SLITRK6: variants seen among roughly 807,000 people sequenced by gnomAD.
SLITRK6 encodes SLIT and NTRK-like protein 6.
A neutral mutation model predicts 55.6 loss-of-function variants in SLITRK6; 35 were observed. The ratio of observed to expected loss-of-function variants is 0.63; its 90% CI spans 0.48 to 0.83. The LOEUF (loss-of-function observed/expected upper bound fraction) is 0.83, where lower values mean the gene tolerates loss of function less well. Ranked by LOEUF, SLITRK6 falls within the 40% of genes least tolerant of loss-of-function variation. The pLI, the probability that SLITRK6 is intolerant of heterozygous loss-of-function variation, is 0.00. For synonymous variants in SLITRK6, 392 were observed against 359.6 expected (o/e 1.09, Z -1.02); for missense variants, 977 against 986.4 (o/e 0.99, Z 0.13).
rs1408592276 is a variant in SLITRK6, at chr13:85,792,911, T to C, written c.*1072A>G. On this transcript the variant is annotated 3_prime_UTR_variant, in exon 2 of 2. Coordinates refer to ENST00000647374, the MANE Select transcript of SLITRK6 (RefSeq NM_032229.3). ...GTACAGAATAAATATTTCATAGAAA[T>C]CTAACTATGCCTTCTTGTAAAATAA... 1.3e-5 allele frequency: 2 copies of C among 152,236 alleles called. No individual in the cohort carries two copies. The highest frequency in any genetic ancestry group is 2.9e-5 in the Non-Finnish European group (2 of 67,836). 9.4% of individuals were successfully genotyped at this position (152,236 alleles called of 1,614,324 possible).
chr13:85,797,409 G>A (rs1462911285), intron 1 of SLITRK6, among the ~76,000 whole-genome samples: 1 of 151,436 alleles, frequency 6.6e-6, no homozygotes, highest in East Asian at 1.9e-4. Flanking sequence ...TATAGATGAG[G>A]TGGAAATGAT....
rs372616753 is a variant in SLITRK6 at position 85,794,853 on chromosome 13, G to T, written c.1656C>A (p.Leu552=). Reference sequence around the variant, plus strand: ...TTAGGGCTTTCAATTCCTTTTTGTCGAGATGCCCGGGGGAAGTGCAGAGGA... The same window carrying T: ...TTAGGGCTTTCAATTCCTTTTTGTCTAGATGCCCGGGGGAAGTGCAGAGGA... ...DDILCTSPGH[L]DKKELKALNS... Residue 552 remains leucine (L), a synonymous_variant, in exon 2 of 2, where the codon CTC becomes CTA. Coordinates refer to ENST00000647374, the MANE Select transcript of SLITRK6 (RefSeq NM_032229.3). 321 of 1,612,988 alleles carry T rather than the reference G, an allele frequency of 2.0e-4. 2 individuals are homozygous for T. In the South Asian group the frequency reaches 3.3e-3, roughly 16 times the overall value.
rs1874621205 is a variant in SLITRK6, at chr13:85,794,052, C to A, written c.2457G>T (p.Glu819Asp). Residue 819 changes from glutamate to aspartate, a missense_variant, in exon 2 of 2, where the codon GAG becomes GAT. Coordinates refer to ENST00000647374, the MANE Select transcript of SLITRK6 (RefSeq NM_032229.3). The part of the protein sequence containing the change: ...RKVLVEQTKN[E>D]YFELKANLHA... ...GTAAATTAGCTTTAAGTTCAAAATA[C>A]TCATTTTTTGTCTGTTCCACTAATA... 6.2e-7 allele frequency: 1 copy of A among 1,612,090 alleles called. No homozygotes were observed. The highest frequency in any genetic ancestry group is 8.5e-7 in the Non-Finnish European group (1 of 1,179,100).
Position 85,795,817 on chromosome 13 carries a change from G to A in SLITRK6, c.692C>T (p.Thr231Ile). ...ACNCDLLQLK[T>I]WLENMPPQSI... The stretch of plus-strand genomic sequence containing the variant: ...CTGTGGAGGCATGTTCTCCAACCAA[G>A]TTTTTAACTGCAATAAGTCACAATT... The change falls in exon 2 of 2, where the codon ACT becomes ATT. Residue 231 changes from threonine to isoleucine, a missense_variant. By Grantham distance (89) the Thr-to-Ile change is moderately conservative. Transcript: ENST00000647374. 6.2e-7 allele frequency: 1 copy of A among 1,612,914 alleles called. No individual in the cohort carries two copies. The highest frequency in any genetic ancestry group is 2.2e-5 in the East Asian group (1 of 44,802).
chr13:85,795,846 G>A lies in SLITRK6; in HGVS notation c.663C>T (p.Ala221=), dbSNP rs201618207. The change falls in exon 2 of 2, where the codon GCC becomes GCT. Residue 221 remains alanine (A), a synonymous_variant. Coordinates refer to ENST00000647374, the MANE Select transcript of SLITRK6 (RefSeq NM_032229.3). ...LDLQLEDNKW[A]CNCDLLQLKT... is the part of the protein sequence containing the mutation. ...TTAACTGCAATAAGTCACAATTGCA[G>A]GCCCATTTGTTGTCCTCCAACTGAA... is the stretch of plus-strand genomic sequence containing the variant. 120 of 1,613,016 alleles carry A rather than the reference G, an allele frequency of 7.4e-5. No homozygotes were observed. The East Asian group carries it at 2.5e-3, about 33-fold the overall frequency.
chr13:85,793,133 A>G lies in SLITRK6; in HGVS notation c.*850T>C, dbSNP rs902310374. 1.3e-5 allele frequency: 2 copies of G among 152,286 alleles called. No homozygotes were observed. Among genetic ancestry groups the G allele is most frequent in the Non-Finnish European group, 2.9e-5 (2 of 67,886 alleles). The allele number at this position is 152,286 out of a possible 1,614,324, so 9.4% of individuals were successfully genotyped here. A position where few individuals can be genotyped will look rare whatever the true frequency, so the allele number is the denominator to read the frequency against. On this transcript the variant is annotated 3_prime_UTR_variant, in exon 2 of 2. Transcript: ENST00000647374. ...TTCAGATTTACAAAGAATTAAGCCTATGAAATAAAGCAAACCCAATATATT... is the reference window on the plus strand; with the variant it reads ...TTCAGATTTACAAAGAATTAAGCCTGTGAAATAAAGCAAACCCAATATATT...
chr13:85,796,501 A>G lies in SLITRK6; in HGVS notation c.8T>C (p.Leu3Pro), dbSNP rs1874730414. The G allele has an allele frequency of 6.5e-7, 1 of 1,535,260 alleles. No individual in the cohort carries two copies. Among genetic ancestry groups the G allele is most frequent in the Non-Finnish European group, 8.7e-7 (1 of 1,146,396 alleles). Residue 3 changes from leucine (L) to proline (P), a missense_variant, in exon 2 of 2, where the codon CTG becomes CCG. Transcript: ENST00000647374. ...AGATGAATAAAAGAGATGAATCCAC[A>G]GCTTCATGTTGTCATGTGATGAAAT... MK[L>P]WIHLFYSSLL...
rs202217453 is a variant in SLITRK6, at chr13:85,794,156, C to G, written c.2353G>C (p.Asp785His). Residue 785 changes from aspartate to histidine, a missense_variant, in exon 2 of 2, where the codon GAT becomes CAT. By Grantham distance (81) the Asp-to-His change is moderately conservative. Transcript: ENST00000647374. ...LRKNIAQLQP[D>H]MEAHYPGAHE... The stretch of plus-strand genomic sequence containing the variant: ...GCTCCAGGATAATGTGCCTCCATAT[C>G]AGGCTGGAGCTGAGCAATGTTTTTC... 3.0e-4 allele frequency: 483 copies of G among 1,612,766 alleles called. 1 individual carries two copies. The highest frequency in any genetic ancestry group is 3.9e-4 in the Non-Finnish European group (464 of 1,179,410).
In SLITRK6 at chr13:85,794,502, A is replaced by G. The variant is rs1874637578; in HGVS notation, c.2007T>C (p.Thr669=). ...SMYGHKTTHH[T]TERPSASLYE... The stretch of plus-strand genomic sequence containing the variant: ...AGAGTGAGGCAGAGGGTCTTTCAGT[A>G]GTGTGATGAGTGGTTTTATGGCCAT... Residue 669 remains threonine, a synonymous_variant, in exon 2 of 2, where the codon ACT becomes ACC. Transcript: ENST00000647374. 2.5e-6 allele frequency: 4 copies of G among 1,613,256 alleles called. No individual in the cohort carries two copies. Among genetic ancestry groups the G allele is most frequent in the East Asian group, 4.5e-5 (2 of 44,836 alleles).
Position 85,796,488 on chromosome 13 carries a change from G to A in SLITRK6, c.21C>T (p.Leu7=). Residue 7 remains leucine (L), a synonymous_variant, in exon 2 of 2, where the codon CTC becomes CTT. Coordinates refer to ENST00000647374, the MANE Select transcript of SLITRK6 (RefSeq NM_032229.3). MKLWIH[L]FYSSLLACIS... The stretch of plus-strand genomic sequence containing the variant: ...TACAGGCAAGGAGAGATGAATAAAA[G>A]AGATGAATCCACAGCTTCATGTTGT... The A allele has an allele frequency of 1.3e-6, 2 of 1,553,000 alleles. No homozygotes were observed. The highest frequency in any genetic ancestry group is 2.5e-5 in the South Asian group (2 of 80,626).
Position 85,794,630 on chromosome 13 carries a change from C to G in SLITRK6, c.1879G>C (p.Gly627Arg). ...CGGTGAAGAACAAGAACCACTATCC[C>G]TGCAGCACAGAAAACAATAGTGATG... ...MFITIVFCAA[G>R]IVVLVLHRRR... The change falls in exon 2 of 2, where the codon GGG (glycine) becomes CGG (arginine). Residue 627 changes from glycine to arginine, a missense_variant. Transcript: ENST00000647374. 1 of 1,613,278 alleles carries G rather than the reference C, an allele frequency of 6.2e-7. No homozygotes were observed. Among genetic ancestry groups the G allele is most frequent in the South Asian group, 1.1e-5 (1 of 91,070 alleles).
chr13:85,794,157 A>T lies in SLITRK6; in HGVS notation c.2352T>A (p.Pro784=). 1 of 1,612,884 alleles carries T rather than the reference A, an allele frequency of 6.2e-7. No individual in the cohort carries two copies. Among genetic ancestry groups the T allele is most frequent in the Non-Finnish European group, 8.5e-7 (1 of 1,179,410 alleles). ...CTCCAGGATAATGTGCCTCCATATCAGGCTGGAGCTGAGCAATGTTTTTCC... is the reference window on the plus strand; with the variant it reads ...CTCCAGGATAATGTGCCTCCATATCTGGCTGGAGCTGAGCAATGTTTTTCC... ...YLRKNIAQLQ[P]DMEAHYPGAH... is the part of the protein sequence containing the mutation. Residue 784 remains proline (P), a synonymous_variant, in exon 2 of 2, where the codon CCT becomes CCA. Coordinates refer to ENST00000647374, the MANE Select transcript of SLITRK6 (RefSeq NM_032229.3).
chr13:85,797,273 G>C (rs1042009273), intron 1 of SLITRK6, among the ~76,000 whole-genome samples: 5 of 151,442 alleles, frequency 3.3e-5, no homozygotes, highest in African/African-American at 1.2e-4. Context: ...ATCAAGGGTA[G>C]TTTGTATAAG....
Position 85,793,470 on chromosome 13 carries a change from T to A in SLITRK6, c.*513A>T, listed in dbSNP as rs192285375. 1 of 152,652 alleles carries A rather than the reference T, an allele frequency of 6.6e-6. No individual in the cohort carries two copies. The highest frequency in any genetic ancestry group is 1.9e-4 in the East Asian group (1 of 5,178). 9.5% of individuals were successfully genotyped at this position (152,652 alleles called of 1,614,324 possible). A position where few individuals can be genotyped will look rare whatever the true frequency, so the allele number is the denominator to read the frequency against. On this transcript the variant is annotated 3_prime_UTR_variant, in exon 2 of 2. Coordinates refer to ENST00000647374, the MANE Select transcript of SLITRK6 (RefSeq NM_032229.3). ...TTTCTTCACTATTACTATTTATAAT[T>A]GTCAAGTTCCAGTTTCTTTTGCATT...
Position 85,796,369 on chromosome 13 carries a change from T to C in SLITRK6, c.140A>G (p.Asn47Ser). 2.5e-6 allele frequency: 4 copies of C among 1,612,754 alleles called. No individual in the cohort carries two copies. Among genetic ancestry groups the C allele is most frequent in the Non-Finnish European group, 3.4e-6 (4 of 1,179,248 alleles). ...CATCTTGATACCTTTTGCTTCACAA[T>C]TTATTAGCATTGTGCCATCTTTTTC... ...CEEKDGTMLI[N>S]CEAKGIKMVS... The change falls in exon 2 of 2, where the codon AAT becomes AGT. Residue 47 changes from asparagine (N) to serine (S), a missense_variant. Physicochemically the swap from Asn to Ser is conservative, Grantham distance 46. Transcript: ENST00000647374.
In SLITRK6 at chr13:85,792,984, A is replaced by T. The variant is rs888694525; in HGVS notation, c.*999T>A. ...GGCAACTTAAACCACTTACCTTTAG[A>T]AGTGCCTTTTGCTACTGATTTATGG... On this transcript the variant is annotated 3_prime_UTR_variant, in exon 2 of 2. Coordinates refer to ENST00000647374, the MANE Select transcript of SLITRK6 (RefSeq NM_032229.3). 6.6e-6 allele frequency: 1 copy of T among 152,222 alleles called. No individual in the cohort carries two copies. Among genetic ancestry groups the T allele is most frequent in the African/African-American group, 2.4e-5 (1 of 41,382 alleles). The allele number at this position is 152,222 out of a possible 1,614,324, so 9.4% of individuals were successfully genotyped here. A position where few individuals can be genotyped will look rare whatever the true frequency, so the allele number is the denominator to read the frequency against.
chr13:85,796,681 T>A (rs1874737094), intron 1 of SLITRK6, 149 bp from the exon 2 acceptor site: 1 of 544,794 alleles, frequency 1.8e-6, no homozygotes. Context: ...TTTACATCAT[T>A]TGTTTCTTTT....
Position 85,794,148 on chromosome 13 carries a change from C to T in SLITRK6, c.2361G>A (p.Glu787=), listed in dbSNP as rs777640071. ...KNIAQLQPDM[E]AHYPGAHEEL... The stretch of plus-strand genomic sequence containing the variant: ...CTTCGTGGGCTCCAGGATAATGTGC[C>T]TCCATATCAGGCTGGAGCTGAGCAA... The change falls in exon 2 of 2, where the codon GAG becomes GAA. Residue 787 remains glutamate, a synonymous_variant. Transcript: ENST00000647374. 17 of 1,612,944 alleles carry T rather than the reference C, an allele frequency of 1.1e-5. No individual in the cohort carries two copies. The highest frequency in any genetic ancestry group is 8.5e-6 in the Non-Finnish European group (10 of 1,179,456).
rs189024386 is a variant in SLITRK6, at chr13:85,794,373, A to T, written c.2136T>A (p.Ser712Arg). The change falls in exon 2 of 2, where the codon AGT (serine) becomes AGA (arginine). Residue 712 changes from serine to arginine, a missense_variant. Coordinates refer to ENST00000647374, the MANE Select transcript of SLITRK6 (RefSeq NM_032229.3). ...GACTTCTTTGGAGATGTTTTGCATCACTTCCTTCTTTCTCATTCCTCTCTT... is the reference window on the plus strand; with the variant it reads ...GACTTCTTTGGAGATGTTTTGCATCTCTTCCTTCTTTCTCATTCCTCTCTT... Reference protein sequence around the residue: ...EEEERNEKEGSDAKHLQRSLL... With the variant: ...EEEERNEKEGRDAKHLQRSLL... The T allele has an allele frequency of 9.9e-6, 16 of 1,613,198 alleles. 1 individual carries two copies.
Sources: gnomAD v4.1 joint callset for allele counts (sites outside exome capture counted in the v4.1 genomes callset) on GRCh38, gnomAD v4.1.1 for gene constraint, MANE v1.5 for transcripts, NCBI Gene and HGNC (gene_info 2026-07-23, HGNC 2026-07-21) for gene names.